The following DPP10 variants were observed in gnomAD, a reference collection of about 807,000 sequenced individuals.
The protein encoded by DPP10 is inactive dipeptidyl peptidase 10.
A neutral mutation model predicts 120.9 loss-of-function variants in DPP10; 33 were observed. The observed-to-expected ratio is 0.27, with a 90% CI of 0.21 to 0.37. The LOEUF (loss-of-function observed/expected upper bound fraction) is 0.37, where lower values mean the gene tolerates loss of function less well. Among genes scored for constraint, DPP10 ranks in the 10% least tolerant of loss-of-function variants. The probability of loss-of-function intolerance (pLI) is 1.00; values close to 1 mark genes in which losing one functional copy is unlikely to be tolerated. For synonymous variants in DPP10, 337 were observed against 326.1 expected (o/e 1.03, Z -0.36); for missense variants, 816 against 942.8 (o/e 0.87, Z 1.76).
In DPP10 at chr2:114,470,865, A is replaced by C. The variant is rs374854522; in HGVS notation, c.60+28027A>C. Among the ~76,000 whole-genome samples the C allele has an allele frequency of 1.8e-4, 27 of 152,362 alleles. No individual in the cohort carries two copies. The South Asian group carries it at 5.6e-3, about 32-fold the overall frequency. ...GCCTTGTTTGCTAATTGCTGTACAC[A>C]TGCAGACATCATCTCACCAACTATG... On this transcript the variant is annotated intron_variant, in intron 1 of 25. Transcript: ENST00000410059.
At chr2:115,569,899 C>A (rs1215850290) in intron 5 of DPP10, among the ~76,000 whole-genome samples, 1 of 151,346 alleles carries the variant, frequency 6.6e-6, no homozygotes, top group African/African-American at 2.4e-5. Context: ...TAATAAAATG[C>A]TAATTAAATA....
At chr2:114,596,155 C>T (rs201290547) in intron 1 of DPP10, among the ~76,000 whole-genome samples, 3 of 151,954 alleles carry the variant, frequency 2.0e-5, no homozygotes, top group Non-Finnish European at 4.4e-5. Context: ...AAATATGCAA[C>T]TTTTTTAGCT....
chr2:115,664,541 T>G (rs1002915257), intron 5 of DPP10, among the ~76,000 whole-genome samples: 2 of 152,002 alleles, frequency 1.3e-5, no homozygotes, highest in African/African-American at 4.8e-5. Flanking sequence ...AAACTAATAA[T>G]AAAATGGGGG....
At chr2:115,384,640 AAGG>A (rs1257170371) in intron 3 of DPP10, among the ~76,000 whole-genome samples, 2 of 144,662 alleles carry the variant, frequency 1.4e-5, no homozygotes, top group African/African-American at 2.5e-5. Context: ...AAGAAGAAAG[AAGG>A]AAGAAGAAGA....
intron 1 of DPP10, among the ~76,000 whole-genome samples, chr2:114,846,921 A>G (rs1688589915): frequency 6.6e-6 from 1 of 152,136 alleles, no homozygotes; most frequent in African/African-American, 2.4e-5. Flanking sequence ...AAAACACAAA[A>G]TCTGATTGTG....
chr2:115,790,990 TGGTAACAA>T, intron 17 of DPP10, 83 bp from the exon 18 acceptor site: 1 of 836,856 alleles, frequency 1.2e-6, no homozygotes, highest in Non-Finnish European at 1.9e-6. Context: ...GCCTGCCAAA[TGGTAACAA>T]GTGGATAATT....
At chr2:114,624,482 A>G (rs949633201) in intron 1 of DPP10, among the ~76,000 whole-genome samples, 3 of 152,106 alleles carry the variant, frequency 2.0e-5, no homozygotes, top group African/African-American at 7.2e-5. Flanking sequence ...GTAGCATCAT[A>G]TGAAATTAGA....
At chr2:115,374,558 A>G (rs1369079745) in intron 3 of DPP10, among the ~76,000 whole-genome samples, 1 of 152,208 alleles carries the variant, frequency 6.6e-6, no homozygotes, top group Non-Finnish European at 1.5e-5. Context: ...TGGAGACTGT[A>G]TGGGTGTTCC....
intron 1 of DPP10, among the ~76,000 whole-genome samples, chr2:114,719,247 CTAGT>C (rs1160374755): frequency 6.6e-6 from 1 of 152,188 alleles, no homozygotes; most frequent in African/African-American, 2.4e-5. Flanking sequence ...ATTGTTAAAT[CTAGT>C]AAGTTCCAGC....
intron 2 of DPP10, among the ~76,000 whole-genome samples, chr2:115,323,350 C>G (rs1295808880): frequency 6.6e-6 from 1 of 152,174 alleles, no homozygotes; most frequent in African/African-American, 2.4e-5. Flanking sequence ...TCTTCATGTT[C>G]CACTTTTAAT....
chr2:114,882,887 A>G (rs1396932398), intron 1 of DPP10, among the ~76,000 whole-genome samples: 1 of 152,224 alleles, frequency 6.6e-6, no homozygotes, highest in Non-Finnish European at 1.5e-5. Context: ...AAGGATGCCA[A>G]GCATTCACAA....
At chr2:115,372,960 AGTT>A (rs1327934098) in intron 3 of DPP10, among the ~76,000 whole-genome samples, 1 of 151,136 alleles carries the variant, frequency 6.6e-6, no homozygotes, top group African/African-American at 2.4e-5. Flanking sequence ...AAACATAGTC[AGTT>A]GTTGATGCTG....
At chr2:115,605,210 G>A (rs1277520466) in intron 5 of DPP10, among the ~76,000 whole-genome samples, 1 of 151,888 alleles carries the variant, frequency 6.6e-6, no homozygotes, top group African/African-American at 2.4e-5. Context: ...TCAATTTTTG[G>A]GATGTCACAA....
chr2:115,780,761 A>G (rs1189767992), intron 15 of DPP10, 113 bp from the exon 16 acceptor site: 9 of 969,202 alleles, frequency 9.3e-6, no homozygotes, highest in African/African-American at 1.7e-5. Flanking sequence ...GTGAACCTCT[A>G]TGCAAGCACC....
chr2:114,845,606 C>T (rs764656165), intron 1 of DPP10, among the ~76,000 whole-genome samples: 1 of 152,102 alleles, frequency 6.6e-6, no homozygotes, highest in Non-Finnish European at 1.5e-5. Context: ...TCAGTGTCGG[C>T]AGGCTCCCCT....
chr2:115,628,923 G>A (rs914510934), intron 5 of DPP10, among the ~76,000 whole-genome samples: 25 of 151,744 alleles, frequency 1.6e-4, no homozygotes, highest in Non-Finnish European at 2.5e-4. Flanking sequence ...CCATTAACTC[G>A]TCATTTACAT....
At chr2:115,092,435 T>C (rs1448515463) in intron 1 of DPP10, among the ~76,000 whole-genome samples, 12 of 152,176 alleles carry the variant, frequency 7.9e-5, no homozygotes, top group Admixed American at 7.9e-4. Flanking sequence ...CTGTTCCCCA[T>C]AAGCGTGTCT....
intron 1 of DPP10, among the ~76,000 whole-genome samples, chr2:115,224,005 T>G (rs1446097914): frequency 1.3e-5 from 2 of 152,172 alleles, no homozygotes; most frequent in African/African-American, 4.8e-5. Flanking sequence ...AAAATTTATT[T>G]AGCCCCTTCT....
intron 13 of DPP10, among the ~76,000 whole-genome samples, chr2:115,775,105 CA>C (rs1240954558): frequency 1.3e-5 from 2 of 151,908 alleles, no homozygotes; most frequent in African/African-American, 4.8e-5. Flanking sequence ...ATATGCAATA[CA>C]TATAAACAAC....
Sources: allele counts gnomAD v4.1 joint callset (sites outside exome capture counted in the v4.1 genomes callset), GRCh38; gene constraint gnomAD v4.1.1; transcripts MANE v1.5; gene names NCBI Gene and HGNC (gene_info 2026-07-23, HGNC 2026-07-21).